CNBD1: variants seen among roughly 807,000 people sequenced by gnomAD.
The protein encoded by CNBD1 is cyclic nucleotide-binding domain-containing protein 1.
A neutral mutation model predicts 54.4 loss-of-function variants in CNBD1; 71 were observed. That is an observed-to-expected ratio of 1.30 (90% CI 1.08 to 1.59). The LOEUF (loss-of-function observed/expected upper bound fraction) is 1.59, where lower values mean the gene tolerates loss of function less well. Ranked by LOEUF, CNBD1 falls within the 40% of genes most tolerant of loss-of-function variation. CNBD1 has a pLI of 0.00. For synonymous variants in CNBD1, 182 were observed against 170.7 expected (o/e 1.07, Z -0.51); for missense variants, 659 against 518.0 (o/e 1.27, Z -2.64).
At chr8:86,910,089 T>A (rs2176) in intron 3 of CNBD1, among the ~76,000 whole-genome samples, 43,413 of 152,054 alleles carry the variant, frequency 0.29, 6,641 homozygotes, top group East Asian at 0.41. Context: ...CTTTCAGTTT[T>A]TAGATCGGAT....
chr8:86,963,338 A>G (rs1056460423), intron 4 of CNBD1, among the ~76,000 whole-genome samples: 5 of 152,080 alleles, frequency 3.3e-5, no homozygotes, highest in Admixed American at 6.5e-5. Flanking sequence ...AGGAGGCCTA[A>G]TTGTCAGGAA....
At chr8:87,037,829 A>T (rs1466990057) in intron 4 of CNBD1, among the ~76,000 whole-genome samples, 1 of 152,166 alleles carries the variant, frequency 6.6e-6, no homozygotes, top group Non-Finnish European at 1.5e-5. Flanking sequence ...TCCAAACTAT[A>T]TGATGTCTTC....
chr8:86,988,232 A>G (rs1195388088), intron 4 of CNBD1, among the ~76,000 whole-genome samples: 1 of 150,516 alleles, frequency 6.6e-6, no homozygotes. Context: ...TTCAATTTCC[A>G]GAGGTTGTAT....
At chr8:87,049,764 ATTGT>A (rs373092644) in intron 4 of CNBD1, among the ~76,000 whole-genome samples, 5 of 152,148 alleles carry the variant, frequency 3.3e-5, no homozygotes, top group East Asian at 3.9e-4. Flanking sequence ...TGAGGAGGTG[ATTGT>A]TTGTTAGCCA....
intron 4 of CNBD1, among the ~76,000 whole-genome samples, chr8:87,057,236 G>A (rs1367766614): frequency 1.3e-5 from 2 of 152,118 alleles, no homozygotes; most frequent in Non-Finnish European, 2.9e-5. Context: ...GGGCGGGGGA[G>A]GCCTCAGGAA....
intron 8 of CNBD1, among the ~76,000 whole-genome samples, chr8:87,317,200 C>A (rs984360290): frequency 6.6e-6 from 1 of 151,442 alleles, no homozygotes; most frequent in Non-Finnish European, 1.5e-5. Flanking sequence ...TCGTTGATTT[C>A]TCCTTTTTTA....
chr8:86,952,263 C>T (rs1303446629), intron 4 of CNBD1, among the ~76,000 whole-genome samples: 1 of 152,112 alleles, frequency 6.6e-6, no homozygotes, highest in Non-Finnish European at 1.5e-5. Flanking sequence ...GAGGCTGTGC[C>T]ACAGGTGCAT....
chr8:87,145,580 A>C (rs1812467613), intron 4 of CNBD1, among the ~76,000 whole-genome samples: 1 of 152,222 alleles, frequency 6.6e-6, no homozygotes, highest in Admixed American at 6.5e-5. Context: ...ATTTTTAATT[A>C]AATACAAAAG....
chr8:87,263,965 GTTAC>G (rs1261891231), intron 6 of CNBD1, among the ~76,000 whole-genome samples: 3 of 151,820 alleles, frequency 2.0e-5, no homozygotes, highest in Admixed American at 6.6e-5. Context: ...AAATATCACT[GTTAC>G]TTTATGTTGA....
chr8:87,253,154 A>G (rs1332029159), intron 6 of CNBD1, among the ~76,000 whole-genome samples: 1 of 152,216 alleles, frequency 6.6e-6, no homozygotes, highest in Non-Finnish European at 1.5e-5. Context: ...AAGTTTGAAT[A>G]TATTCTCTTT....
intron 8 of CNBD1, among the ~76,000 whole-genome samples, chr8:87,350,875 T>C (rs1035343856): frequency 6.6e-6 from 1 of 152,076 alleles, no homozygotes; most frequent in Non-Finnish European, 1.5e-5. Flanking sequence ...GATCAAGGGA[T>C]TTTTATTTTA....
chr8:87,084,920 C>A (rs1811067569), intron 4 of CNBD1, among the ~76,000 whole-genome samples: 1 of 152,178 alleles, frequency 6.6e-6, no homozygotes, highest in Admixed American at 6.5e-5. Flanking sequence ...GGTGATCCAC[C>A]TGCCTCAGTC....
At chr8:86,932,736 T>C (rs1433938830) in intron 3 of CNBD1, among the ~76,000 whole-genome samples, 1 of 151,926 alleles carries the variant, frequency 6.6e-6, no homozygotes, top group East Asian at 1.9e-4. Flanking sequence ...GGCTTGAGGG[T>C]CAAATTGTTC....
At chr8:87,388,822 C>G (rs1245287597) in intron 2 of CNBD1, among the ~76,000 whole-genome samples, 1 of 152,190 alleles carries the variant, frequency 6.6e-6, no homozygotes, top group Non-Finnish European at 1.5e-5. Context: ...AGACCAATAT[C>G]CCTGATTAAC....
intron 10 of CNBD1, among the ~76,000 whole-genome samples, chr8:87,373,210 T>C (rs1810855671): frequency 6.6e-6 from 1 of 151,826 alleles, no homozygotes; most frequent in Admixed American, 6.6e-5. Context: ...AGTAGACTTT[T>C]CTGCAAATGA....
intron 4 of CNBD1, among the ~76,000 whole-genome samples, chr8:87,144,311 T>G (rs890901820): frequency 6.6e-6 from 1 of 152,186 alleles, no homozygotes; most frequent in African/African-American, 2.4e-5. Context: ...GAGTTTACTT[T>G]AGGAAACACA....
At chr8:86,923,486 G>T (rs1809309350) in intron 3 of CNBD1, among the ~76,000 whole-genome samples, 1 of 152,178 alleles carries the variant, frequency 6.6e-6, no homozygotes, top group Non-Finnish European at 1.5e-5. Context: ...GGTGTTAATT[G>T]GTCTTAGGGT....
At chr8:87,359,958 C>A (rs1000320565) in intron 10 of CNBD1, among the ~76,000 whole-genome samples, 6 of 151,894 alleles carry the variant, frequency 4.0e-5, no homozygotes, top group Non-Finnish European at 7.4e-5. Flanking sequence ...TCTAATTTTT[C>A]AAGAATTGTT....
At chr8:87,150,017 A>C (rs1321622872) in intron 4 of CNBD1, among the ~76,000 whole-genome samples, 1 of 152,046 alleles carries the variant, frequency 6.6e-6, no homozygotes. Context: ...TTACCAAAAA[A>C]ATATAAAAAC....
Sources: gnomAD v4.1 joint callset for allele counts (sites outside exome capture counted in the v4.1 genomes callset) on GRCh38, gnomAD v4.1.1 for gene constraint, MANE v1.5 for transcripts, NCBI Gene and HGNC (gene_info 2026-07-23, HGNC 2026-07-21) for gene names.